The following ZNF641 variants were observed in gnomAD, a reference collection of about 807,000 sequenced individuals.
ZNF641 encodes zinc finger protein 641.
ZNF641 carries 26 observed loss-of-function variants against 46.2 expected under a neutral mutation model. The ratio of observed to expected loss-of-function variants is 0.56; its 90% CI spans 0.41 to 0.78. The LOEUF is 0.78. Ranked by LOEUF, ZNF641 falls within the 30% of genes least tolerant of loss-of-function variation. The probability of loss-of-function intolerance (pLI) is 0.00; values close to 1 mark genes in which losing one functional copy is unlikely to be tolerated. For missense variants in ZNF641, 469 were observed against 517.8 expected (o/e 0.91, Z 0.91); for synonymous variants, 163 against 187.9 (o/e 0.87, Z 1.09).
downstream of ZNF641, among the ~76,000 whole-genome samples, chr12:48,336,532 T>C (rs1952606035): frequency 6.6e-6 from 1 of 152,194 alleles, no homozygotes; most frequent in Non-Finnish European, 1.5e-5. Flanking sequence ...GCCACGCCTT[T>C]GACTTTCACT....
intron 3 of ZNF641, 145 bp downstream of exon 3, chr12:48,347,107 T>A (rs1010590329): frequency 6.9e-7 from 1 of 1,443,280 alleles, no homozygotes; most frequent in African/African-American, 1.4e-5. Context: ...TTATGACCCC[T>A]TGGAAAGGGA....
At position 48,343,625 on chromosome 12, in the gene ZNF641, T is replaced by C; in HGVS notation, c.623A>G (p.His208Arg). 3.8e-6 allele frequency: 6 copies of C among 1,598,686 alleles called. No individual in the cohort carries two copies. Among genetic ancestry groups the C allele is most frequent in the South Asian group, 1.1e-5 (1 of 89,100 alleles). Residue 208 changes from histidine to arginine, a missense_variant, in exon 6 of 6, where the codon CAT (histidine) becomes CGT (arginine). By Grantham distance (29) the His-to-Arg change is conservative. Transcript: ENST00000547026. ...SEDTVLWNPEHDESWDSMPSS... is the reference protein window; with the variant it reads ...SEDTVLWNPERDESWDSMPSS... Reference sequence around the variant, plus strand: ...GGGCATGGAATCCCAGCTCTCATCATGCTCCGGGTTCCAGAGAACAGTATC... The same window carrying C: ...GGGCATGGAATCCCAGCTCTCATCACGCTCCGGGTTCCAGAGAACAGTATC...
chr12:48,343,128 C>CTGGCACCACCG lies in ZNF641; in HGVS notation c.1119_1120insCGGTGGTGCCA (p.Val374ArgfsTer5). The CTGGCACCACCG allele has an allele frequency of 1.9e-6, 3 of 1,614,238 alleles. No individual in the cohort carries two copies. The highest frequency in any genetic ancestry group is 2.5e-6 in the Non-Finnish European group (3 of 1,180,042). ...CCAGTGTGGGTCAGCCAGTGTCTCACAAGGTGGTGCCTTCGGCCAAAGCTC... is the reference window on the plus strand; with the variant it reads ...CCAGTGTGGGTCAGCCAGTGTCTCACTGGCACCACCGAAGGTGGTGCCTTCGGCCAAAGCTC... On this transcript the variant is annotated frameshift_variant, in exon 6 of 6. Coordinates refer to ENST00000547026, the MANE Select transcript of ZNF641 (RefSeq NM_001172681.2). LOFTEE classifies it high-confidence loss of function.
At chr12:48,336,778 C>G (rs1447983413), downstream of ZNF641, among the ~76,000 whole-genome samples, 2 of 152,226 alleles carry the variant, frequency 1.3e-5, no homozygotes, top group Non-Finnish European at 2.9e-5. Context: ...CTCAACAGTT[C>G]AGCACTCAAC....
chr12:48,339,936 G>C lies in ZNF641; in HGVS notation c.*3037C>G. On this transcript the variant is annotated 3_prime_UTR_variant, in exon 6 of 6. Coordinates refer to ENST00000547026, the MANE Select transcript of ZNF641 (RefSeq NM_001172681.2). ...AAAGATACTATGTTGGGGTGGAAAGGGGAGGATACTCAGAATAGGGTGGAG... is the reference window on the plus strand; with the variant it reads ...AAAGATACTATGTTGGGGTGGAAAGCGGAGGATACTCAGAATAGGGTGGAG... 1.0e-6 allele frequency: 1 copy of C among 985,392 alleles called. No individual in the cohort carries two copies. Among genetic ancestry groups the C allele is most frequent in the Non-Finnish European group, 1.2e-6 (1 of 829,870 alleles). The allele number at this position is 985,392 out of a possible 1,614,324, so 61.0% of individuals were successfully genotyped here. A position where few individuals can be genotyped will look rare whatever the true frequency, so the allele number is the denominator to read the frequency against.
intron 2 of ZNF641, 89 bp downstream of exon 2, chr12:48,347,818 A>G (rs1392336001): frequency 1.5e-6 from 2 of 1,306,504 alleles, no homozygotes; most frequent in Non-Finnish European, 2.1e-6. Flanking sequence ...TATTTAGTCC[A>G]TGGCAATTTG....
rs1953016448 is a variant in ZNF641 at position 48,350,866 on chromosome 12, G to A, written c.-106C>T. The A allele has an allele frequency of 1.0e-6, 1 of 985,148 alleles. No individual in the cohort carries two copies. The highest frequency in any genetic ancestry group is 1.2e-6 in the Non-Finnish European group (1 of 829,804). The allele number at this position is 985,148 out of a possible 1,614,324, so 61.0% of individuals were successfully genotyped here. ...TCCCCTCCGCCCTCCGCTTGCGTCT[G>A]GGAGCCGGCGGCCGGCGGAGCCAGC... On this transcript the variant is annotated 5_prime_UTR_variant, in exon 1 of 6. Coordinates refer to ENST00000547026, the MANE Select transcript of ZNF641 (RefSeq NM_001172681.2).
Position 48,343,237 on chromosome 12 carries a change from T to C in ZNF641, c.1011A>G (p.Gln337=), listed in dbSNP as rs1298118570. Residue 337 remains glutamine, a synonymous_variant, in exon 6 of 6, where the codon CAA becomes CAG. Coordinates refer to ENST00000547026, the MANE Select transcript of ZNF641 (RefSeq NM_001172681.2). ...TTGTGCCAGGGCTCTCTCCAACCTC[T>C]TGGCCTTTGCAGGATTTGCCTTCTG... is the stretch of plus-strand genomic sequence containing the variant. The part of the protein sequence containing the change: ...VHAEGKSCKG[Q]EVGESPGTRK... The C allele has an allele frequency of 2.5e-6, 4 of 1,614,260 alleles. No individual in the cohort carries two copies. In the East Asian group the frequency reaches 8.9e-5, roughly 36 times the overall value.
Position 48,338,176 on chromosome 12 carries a change from G to C in ZNF641, c.*4797C>G, listed in dbSNP as rs1952640800. The C allele has an allele frequency of 6.6e-6, 1 of 152,300 alleles. No homozygotes were observed. The highest frequency in any genetic ancestry group is 2.4e-5 in the African/African-American group (1 of 41,450). 9.4% of individuals were successfully genotyped at this position (152,300 alleles called of 1,614,324 possible). Reference sequence around the variant, plus strand: ...AAACTGGACAGTAGGCAGAGGAATAGGTAGTAAGTGGACTCATGATGGAAT... The same window carrying C: ...AAACTGGACAGTAGGCAGAGGAATACGTAGTAAGTGGACTCATGATGGAAT... On this transcript the variant is annotated 3_prime_UTR_variant, in exon 6 of 6. Coordinates refer to ENST00000547026, the MANE Select transcript of ZNF641 (RefSeq NM_001172681.2).
Position 48,350,913 on chromosome 12 carries a change from G to C in ZNF641, c.-153C>G. The C allele has an allele frequency of 7.3e-6, 7 of 960,444 alleles. No individual in the cohort carries two copies. Among genetic ancestry groups the C allele is most frequent in the South Asian group, 4.8e-5 (1 of 20,818 alleles). 59.5% of individuals were successfully genotyped at this position (960,444 alleles called of 1,614,324 possible). Reference sequence around the variant, plus strand: ...CAGCGACAGGCGGAGACGGCGGCCCGGCAGGCGCGGGCGGGGCGGGGCGGG... The same window carrying C: ...CAGCGACAGGCGGAGACGGCGGCCCCGCAGGCGCGGGCGGGGCGGGGCGGG... On this transcript the variant is annotated 5_prime_UTR_variant, in exon 1 of 6. Transcript: ENST00000547026.
chr12:48,348,086 A>G lies in ZNF641; in HGVS notation c.5T>C (p.Leu2Pro). Residue 2 changes from leucine to proline, a missense_variant, in exon 2 of 6, where the codon CTT (leucine) becomes CCT (proline). By Grantham distance (98) the Leu-to-Pro change is moderately conservative. This residue lies in a region of ZNF641 where 98 missense variants were observed against 105.7 expected (regional missense o/e 0.93). Coordinates refer to ENST00000547026, the MANE Select transcript of ZNF641 (RefSeq NM_001172681.2). M[L>P]SEQTAALGTG... ...CCCCAGCGCTGCTGTCTGTTCTGAA[A>G]GCATTTCTGCTGCAGACCCAAATTG... The G allele has an allele frequency of 6.2e-7, 1 of 1,614,236 alleles. No individual in the cohort carries two copies. The highest frequency in any genetic ancestry group is 8.5e-7 in the Non-Finnish European group (1 of 1,180,052).
chr12:48,342,293 T>C lies in ZNF641; in HGVS notation c.*680A>G, dbSNP rs1366027803. 2 of 985,692 alleles carry C rather than the reference T, an allele frequency of 2.0e-6. No individual in the cohort carries two copies. Among genetic ancestry groups the C allele is most frequent in the East Asian group, 1.1e-4 (1 of 8,816 alleles). The allele number at this position is 985,692 out of a possible 1,614,324, so 61.1% of individuals were successfully genotyped here. A position where few individuals can be genotyped will look rare whatever the true frequency, so the allele number is the denominator to read the frequency against. ...TGAGGGTGAGAGGTGATGTATATACTGCTGATTGGCATAAGGAAGACAGAC... is the reference window on the plus strand; with the variant it reads ...TGAGGGTGAGAGGTGATGTATATACCGCTGATTGGCATAAGGAAGACAGAC... On this transcript the variant is annotated 3_prime_UTR_variant, in exon 6 of 6. Coordinates refer to ENST00000547026, the MANE Select transcript of ZNF641 (RefSeq NM_001172681.2).
chr12:48,342,489 A>G lies in ZNF641; in HGVS notation c.*484T>C. The G allele has an allele frequency of 1.1e-6, 1 of 945,350 alleles. No homozygotes were observed. Among genetic ancestry groups the G allele is most frequent in the Non-Finnish European group, 1.3e-6 (1 of 791,314 alleles). The allele number at this position is 945,350 out of a possible 1,614,324, so 58.6% of individuals were successfully genotyped here. A position where few individuals can be genotyped will look rare whatever the true frequency, so the allele number is the denominator to read the frequency against. ...GTAAATAGAAAGGATACTGAGGTCA[A>G]ATACATTTAGGAAACACTGCCTTAA... On this transcript the variant is annotated 3_prime_UTR_variant, in exon 6 of 6. Coordinates refer to ENST00000547026, the MANE Select transcript of ZNF641 (RefSeq NM_001172681.2).
rs747702705 is a variant in ZNF641, at chr12:48,343,442, T to C, written c.806A>G (p.Gln269Arg). 2 of 1,614,030 alleles carry C rather than the reference T, an allele frequency of 1.2e-6. No individual in the cohort carries two copies. The highest frequency in any genetic ancestry group is 2.7e-5 in the African/African-American group (2 of 74,936). ...FVWGSHLARH[Q>R]QTHTGERPYS... Reference sequence around the variant, plus strand: ...GGGTCTCTCCCCAGTGTGTGTTTGTTGATGCCTGGCAAGGTGGGAACCCCA... The same window carrying C: ...GGGTCTCTCCCCAGTGTGTGTTTGTCGATGCCTGGCAAGGTGGGAACCCCA... Residue 269 changes from glutamine (Q) to arginine (R), a missense_variant, in exon 6 of 6, where the codon CAA becomes CGA. Around this residue, in one of 3 missense-constraint regions of ZNF641, gnomAD observed 346 missense variants for 354.0 expected, o/e 0.98. Transcript: ENST00000547026.
rs1952664692 is a variant in ZNF641 at position 48,339,123 on chromosome 12, C to G, written c.*3850G>C. 6.6e-6 allele frequency: 1 copy of G among 152,140 alleles called. No individual in the cohort carries two copies. The allele number at this position is 152,140 out of a possible 1,614,324, so 9.4% of individuals were successfully genotyped here. ...TCACAGGAGCTTGGTAGTTGCCCCA[C>G]CATAGTTTCTGATATTGGTGACTAG... On this transcript the variant is annotated 3_prime_UTR_variant, in exon 6 of 6. Coordinates refer to ENST00000547026, the MANE Select transcript of ZNF641 (RefSeq NM_001172681.2).
At position 48,340,430 on chromosome 12, in the gene ZNF641, G is replaced by C. The variant is rs2136169687; in HGVS notation, c.*2543C>G. On this transcript the variant is annotated 3_prime_UTR_variant, in exon 6 of 6. Coordinates refer to ENST00000547026, the MANE Select transcript of ZNF641 (RefSeq NM_001172681.2). ...TTCAAACAAGATTTGTGAGGAGCTGGATTTGTCAGCATGTCAGATCTTTTT... is the reference window on the plus strand; with the variant it reads ...TTCAAACAAGATTTGTGAGGAGCTGCATTTGTCAGCATGTCAGATCTTTTT... 1.0e-6 allele frequency: 1 copy of C among 985,416 alleles called. No homozygotes were observed. The highest frequency in any genetic ancestry group is 4.7e-5 in the South Asian group (1 of 21,288). 61.0% of individuals were successfully genotyped at this position (985,416 alleles called of 1,614,324 possible). A position where few individuals can be genotyped will look rare whatever the true frequency, so the allele number is the denominator to read the frequency against.
At chr12:48,344,420 T>C (rs1453637790) in intron 5 of ZNF641, 179 bp downstream of exon 5, 1 of 452,880 alleles carries the variant, frequency 2.2e-6, no homozygotes, top group Non-Finnish European at 3.9e-6. Flanking sequence ...CAGCCCAGAA[T>C]TCAAATCCAC....
In ZNF641 at chr12:48,340,390, A is replaced by G. The variant is rs987106818; in HGVS notation, c.*2583T>C. On this transcript the variant is annotated 3_prime_UTR_variant, in exon 6 of 6. Coordinates refer to ENST00000547026, the MANE Select transcript of ZNF641 (RefSeq NM_001172681.2). ...GCGTGATCTAATAGTAAGGAATATC[A>G]CTTCCCACAAGTCCTTCAAACAAGA... 11 of 985,464 alleles carry G rather than the reference A, an allele frequency of 1.1e-5. 1 individual carries two copies. In the Admixed American group the frequency reaches 4.9e-4, roughly 44 times the overall value. The allele number at this position is 985,464 out of a possible 1,614,324, so 61.0% of individuals were successfully genotyped here.
Position 48,340,749 on chromosome 12 carries a change from A to G in ZNF641, c.*2224T>C, listed in dbSNP as rs927236451. 1.6e-5 allele frequency: 16 copies of G among 985,462 alleles called. No homozygotes were observed. In the East Asian group the frequency reaches 4.5e-4, roughly 28 times the overall value. 61.0% of individuals were successfully genotyped at this position (985,462 alleles called of 1,614,324 possible). A position where few individuals can be genotyped will look rare whatever the true frequency, so the allele number is the denominator to read the frequency against. On this transcript the variant is annotated 3_prime_UTR_variant, in exon 6 of 6. Coordinates refer to ENST00000547026, the MANE Select transcript of ZNF641 (RefSeq NM_001172681.2). Reference sequence around the variant, plus strand: ...GCGTTTCTGGTTTCTGTCAGATTCAACAGGTCTGTACCCAAGACAGGTTCT... The same window carrying G: ...GCGTTTCTGGTTTCTGTCAGATTCAGCAGGTCTGTACCCAAGACAGGTTCT...
Sources: gnomAD v4.1 joint callset for allele counts (sites outside exome capture counted in the v4.1 genomes callset) on GRCh38, gnomAD v4.1.1 for gene constraint, gnomAD v4.1.1 regional missense constraint, MANE v1.5 for transcripts, NCBI Gene and HGNC (gene_info 2026-07-23, HGNC 2026-07-21) for gene names.